Variants in PRR14L observed in about 807,000 individuals in gnomAD.
The protein encoded by PRR14L is protein PRR14L.
Under a neutral mutation model 155.0 loss-of-function variants are expected in PRR14L, and 80 were observed. The observed-to-expected ratio is 0.52, with a 90% CI of 0.43 to 0.62. The LOEUF (loss-of-function observed/expected upper bound fraction) is 0.62. Ranked by LOEUF, PRR14L falls within the 20% of genes least tolerant of loss-of-function variation. The probability of loss-of-function intolerance (pLI) is 0.00; values close to 1 mark genes in which losing one functional copy is unlikely to be tolerated. For missense variants in PRR14L, 2,469 were observed against 2,548.0 expected, an observed-to-expected ratio of 0.97 and a Z score of 0.67; for synonymous variants, 883 against 916.0, an observed-to-expected ratio of 0.96 and a Z score of 0.65.
intron 7 of PRR14L, among the ~76,000 whole-genome samples, chr22:31,697,759 A>C (rs1474848545): frequency 6.6e-6 from 1 of 152,072 alleles, no homozygotes; most frequent in Admixed American, 6.6e-5. Flanking sequence ...CCAGCTACTC[A>C]TGAGGCTGAG....
chr22:31,710,658 G>A lies in PRR14L; in HGVS notation c.5756+1425C>T, dbSNP rs191610023. Among the ~76,000 whole-genome samples, 42 of 152,048 alleles carry A rather than the reference G, an allele frequency of 2.8e-4. No homozygotes were observed. The East Asian group carries it at 7.6e-3, about 27-fold the overall frequency. On this transcript the variant is annotated intron_variant, in intron 4 of 8. Coordinates refer to ENST00000327423, the MANE Select transcript of PRR14L (RefSeq NM_173566.3). Reference sequence around the variant, plus strand: ...TTTAGTAGAAACGGGGTTTCACGGTGTTAGCCAGGATGGTCTCGATCTCCT... The same window carrying A: ...TTTAGTAGAAACGGGGTTTCACGGTATTAGCCAGGATGGTCTCGATCTCCT...
intron 1 of PRR14L, among the ~76,000 whole-genome samples, chr22:31,739,843 A>G (rs1371870701): frequency 6.6e-6 from 1 of 152,228 alleles, no homozygotes; most frequent in African/African-American, 2.4e-5. Flanking sequence ...ACAAGTAGCC[A>G]AAACACACAC....
chr22:31,685,797 T>C lies in PRR14L; in HGVS notation c.6186A>G (p.Leu2062=), dbSNP rs1276817906. 6.4e-7 allele frequency: 1 copy of C among 1,551,472 alleles called. No homozygotes were observed. Among genetic ancestry groups the C allele is most frequent in the Non-Finnish European group, 8.7e-7 (1 of 1,146,840 alleles). ...CCTTGGGTTCCTCAAAGATGGTCTC[T>C]AAACACCTAAGGATGAAGCACGAAA... The part of the protein sequence containing the change: ...NYKSPPANRC[L]ETIFEEPKER... Residue 2062 remains leucine (L), a synonymous_variant, in exon 9 of 9, where the codon TTA becomes TTG. Transcript: ENST00000327423.
intron 4 of PRR14L, among the ~76,000 whole-genome samples, chr22:31,710,905 T>C (rs1469742677): frequency 6.6e-6 from 1 of 152,188 alleles, no homozygotes; most frequent in Non-Finnish European, 1.5e-5. Flanking sequence ...TCACTTTAAG[T>C]TCTATAAACC....
intron 3 of PRR14L, among the ~76,000 whole-genome samples, chr22:31,721,499 C>G (rs112629800): frequency 3.3e-5 from 5 of 149,328 alleles, no homozygotes. Flanking sequence ...ACCCGGGAGG[C>G]GGAGTTTGCA....
At chr22:31,727,415 G>T (rs946408735) in intron 2 of PRR14L, among the ~76,000 whole-genome samples, 1 of 151,656 alleles carries the variant, frequency 6.6e-6, no homozygotes, top group Non-Finnish European at 1.5e-5. Context: ...TTGTATTTTA[G>T]TAGAGACAGG....
chr22:31,701,609 A>C, intron 7 of PRR14L, 47 bp downstream of exon 7: 4 of 1,250,108 alleles, frequency 3.2e-6, no homozygotes, highest in Non-Finnish European at 4.6e-6. Flanking sequence ...TATGACAAAC[A>C]ATTTTCCAAA....
At chr22:31,749,971 C>G (rs1055135833) in intron 1 of PRR14L, 22 bp downstream of exon 1, 5 of 152,844 alleles carry the variant, frequency 3.3e-5, no homozygotes, top group Non-Finnish European at 7.3e-5. Context: ...ACGCCCGAAG[C>G]CTTCCAGTCC....
intron 3 of PRR14L, among the ~76,000 whole-genome samples, chr22:31,722,951 C>T (rs1427354097): frequency 6.6e-6 from 1 of 152,170 alleles, no homozygotes; most frequent in African/African-American, 2.4e-5. Context: ...TAAATCAAAT[C>T]CATGGTGATG....
chr22:31,697,869 A>G (rs1467456425), intron 7 of PRR14L, among the ~76,000 whole-genome samples: 1 of 150,702 alleles, frequency 6.6e-6, no homozygotes, highest in Non-Finnish European at 1.5e-5. Flanking sequence ...GTCACAAAAC[A>G]AACAAACTGT....
chr22:31,739,825 TG>T (rs1569500967), intron 1 of PRR14L, among the ~76,000 whole-genome samples: 2 of 152,210 alleles, frequency 1.3e-5, no homozygotes, highest in East Asian at 3.8e-4. Flanking sequence ...TTTGTAATAC[TG>T]CACTATACAA....
Position 31,715,751 on chromosome 22 carries a change from A to G in PRR14L, c.2088T>C (p.Gly696=). 6.4e-7 allele frequency: 1 copy of G among 1,552,084 alleles called. No individual in the cohort carries two copies. The change falls in exon 4 of 9, where the codon GGT becomes GGC. Residue 696 remains glycine (G), a synonymous_variant. Coordinates refer to ENST00000327423, the MANE Select transcript of PRR14L (RefSeq NM_173566.3). ...GTATATCAGCAATGACATCTGCTCT[A>G]CCCTCTAATGGAGGGTGATGGCTCT... ...AHQSHHPPLE[G]RADVIADIQT...
intron 2 of PRR14L, among the ~76,000 whole-genome samples, chr22:31,734,615 C>G (rs950267402): frequency 6.6e-6 from 1 of 152,204 alleles, no homozygotes; most frequent in African/African-American, 2.4e-5. Context: ...AACTGTGCCC[C>G]ACAGGACCAC....
At chr22:31,710,134 G>A (rs1259959260) in intron 4 of PRR14L, among the ~76,000 whole-genome samples, 2 of 151,788 alleles carry the variant, frequency 1.3e-5, no homozygotes, top group Admixed American at 6.6e-5. Flanking sequence ...CAGAGACAAC[G>A]TTATGCCATG....
chr22:31,687,809 C>T (rs1303725336), intron 8 of PRR14L, among the ~76,000 whole-genome samples: 2 of 150,514 alleles, frequency 1.3e-5, no homozygotes, highest in African/African-American at 4.9e-5. Flanking sequence ...TTTGGGAGGC[C>T]AAGGCAGGCG....
intron 4 of PRR14L, among the ~76,000 whole-genome samples, chr22:31,705,056 T>A (rs1225952363): frequency 6.6e-6 from 1 of 152,064 alleles, no homozygotes; most frequent in Non-Finnish European, 1.5e-5. Flanking sequence ...GCCTAGGAGT[T>A]CAAGACCAGC....
At chr22:31,742,778 C>T (rs2074819404) in intron 1 of PRR14L, among the ~76,000 whole-genome samples, 1 of 152,136 alleles carries the variant, frequency 6.6e-6, no homozygotes, top group African/African-American at 2.4e-5. Flanking sequence ...ATGTCTTTAG[C>T]AGCACTACTC....
intron 5 of PRR14L, 90 bp downstream of exon 5, chr22:31,704,565 A>ACAGACGATC: frequency 9.9e-7 from 1 of 1,014,732 alleles, no homozygotes; most frequent in African/African-American, 1.6e-5. Flanking sequence ...AAGTCATGCC[A>ACAGACGATC]CAGACGATCC....
chr22:31,739,938 T>C (rs528020669), intron 1 of PRR14L, among the ~76,000 whole-genome samples: 56 of 152,290 alleles, frequency 3.7e-4, no homozygotes, highest in African/African-American at 1.3e-3. Flanking sequence ...AAAATCCACT[T>C]TGACCATTCT....
Sources: gnomAD v4.1 joint callset for allele counts (sites outside exome capture counted in the v4.1 genomes callset) on GRCh38, gnomAD v4.1.1 for gene constraint, MANE v1.5 for transcripts, NCBI Gene and HGNC (gene_info 2026-07-23, HGNC 2026-07-21) for gene names.